DNASE1: variants seen among roughly 807,000 people sequenced by gnomAD.
DNASE1 encodes the protein deoxyribonuclease-1.
Under a neutral mutation model 33.9 loss-of-function variants are expected in DNASE1, and 40 were observed. The ratio of observed to expected loss-of-function variants is 1.18; its 90% CI spans 0.92 to 1.54. DNASE1 has a LOEUF of 1.54. Ranked by LOEUF, DNASE1 falls within the 40% of genes most tolerant of loss-of-function variation. The pLI, the probability that DNASE1 is intolerant of heterozygous loss-of-function variation, is 0.00. For missense variants in DNASE1, 518 were observed against 372.6 expected, an observed-to-expected ratio of 1.39 and a Z score of -3.21; for synonymous variants, 216 against 160.0, an observed-to-expected ratio of 1.35 and a Z score of -2.64.
chr16:3,655,567 C>T, intron 2 of DNASE1, 47 bp downstream of exon 2: 3 of 1,612,910 alleles, frequency 1.9e-6, no homozygotes, highest in Non-Finnish European at 2.5e-6. Flanking sequence ...GCTCTGGAGT[C>T]TAGGGCTGGT....
At chr16:3,655,192 G>T (rs2042516938) in intron 1 of DNASE1, 148 bp downstream of exon 1, 1 of 783,114 alleles carries the variant, frequency 1.3e-6, no homozygotes, top group South Asian at 1.8e-5. Flanking sequence ...GTGACTCGGG[G>T]TCCTCTACGT....
downstream of DNASE1, chr16:3,658,257 A>T: frequency 6.4e-7 from 1 of 1,551,816 alleles, no homozygotes; most frequent in Non-Finnish European, 8.9e-7. Flanking sequence ...GAAACCCATT[A>T]TGAGGGGCAT....
At chr16:3,652,972 C>A (rs1008503455), upstream of DNASE1, 8 of 152,252 alleles carry the variant, frequency 5.3e-5, no homozygotes, top group African/African-American at 1.9e-4. Flanking sequence ...GCCAGCACAG[C>A]CCCTTCCAAG....
In DNASE1 at chr16:3,656,621, G is replaced by T; in HGVS notation, c.321-17G>T. The T allele has an allele frequency of 6.3e-7, 1 of 1,599,594 alleles. No homozygotes were observed. Among genetic ancestry groups the T allele is most frequent in the Non-Finnish European group, 8.5e-7 (1 of 1,172,592 alleles). ...TTCCAGCCTGGGGTCACCTCCTCCTGCCCGGCCTTCCCGCAGGCCTGACCA... is the reference window on the plus strand; with the variant it reads ...TTCCAGCCTGGGGTCACCTCCTCCTTCCCGGCCTTCCCGCAGGCCTGACCA... On this transcript the variant is annotated splice_polypyrimidine_tract_variant and intron_variant, in intron 4 of 8. Transcript: ENST00000246949.
chr16:3,614,094 A>G (rs1196255800), intron 1 of DNASE1, among the ~76,000 whole-genome samples: 1 of 151,898 alleles, frequency 6.6e-6, no homozygotes, highest in Non-Finnish European at 1.5e-5. Context: ...TTGTATTTTT[A>G]GTAGAGACGG....
At chr16:3,613,253 C>CT (rs1159684425) in intron 1 of DNASE1, among the ~76,000 whole-genome samples, 1 of 152,100 alleles carries the variant, frequency 6.6e-6, no homozygotes, top group Non-Finnish European at 1.5e-5. Flanking sequence ...TTCTGCTGGG[C>CT]TTTTATTAAG....
At chr16:3,654,352 C>A (rs17136470), upstream of DNASE1, 20 of 398,702 alleles carry the variant, frequency 5.0e-5, no homozygotes, top group East Asian at 6.8e-4. Context: ...CTGCTTGTTC[C>A]GAGCTCCCCA....
At chr16:3,624,141 G>T (rs2041422243) in intron 1 of DNASE1, among the ~76,000 whole-genome samples, 1 of 151,984 alleles carries the variant, frequency 6.6e-6, no homozygotes, top group African/African-American at 2.4e-5. Context: ...GCTGGGCGCG[G>T]TAGTGCACGC....
At chr16:3,651,013 G>T (rs1171958046), upstream of DNASE1, 1 of 152,222 alleles carries the variant, frequency 6.6e-6, no homozygotes, top group Non-Finnish European at 1.5e-5. Context: ...ATGGTGCTCT[G>T]TGAGTTCATG....
chr16:3,648,387 C>G (rs949430076), intron 1 of DNASE1, among the ~76,000 whole-genome samples: 1 of 152,152 alleles, frequency 6.6e-6, no homozygotes, highest in Non-Finnish European at 1.5e-5. Context: ...ATGGTGAAAT[C>G]CCGTCTCTAC....
chr16:3,640,029 GT>G (rs777731116), upstream of DNASE1, among the ~76,000 whole-genome samples: 10 of 152,296 alleles, frequency 6.6e-5, no homozygotes, highest in South Asian at 2.1e-3. Flanking sequence ...TTTTCAGTGG[GT>G]CCAGTGCTGC....
chr16:3,657,314 C>G lies in DNASE1; in HGVS notation c.677C>G (p.Ala226Gly), dbSNP rs750842674. The stretch of plus-strand genomic sequence containing the variant: ...ATCCCCGACAGCGCTGACACCACAG[C>G]TACACCCACGCACTGTGCCTATGAC... ...WLIPDSADTT[A>G]TPTHCAYDRI... Residue 226 changes from alanine to glycine, a missense_variant, in exon 7 of 9, where the codon GCT becomes GGT. By Grantham distance (60) the Ala-to-Gly change is moderately conservative. Transcript: ENST00000246949. 2.5e-6 allele frequency: 4 copies of G among 1,613,728 alleles called. No individual in the cohort carries two copies. Among genetic ancestry groups the G allele is most frequent in the African/African-American group, 1.3e-5 (1 of 75,060 alleles).
chr16:3,653,838 A>AAAAAT, upstream of DNASE1: 1 of 139,038 alleles, frequency 7.2e-6, no homozygotes, highest in African/African-American at 2.6e-5. Context: ...AAAAAAAAAA[A>AAAAAT]AAACTGAGCA....
At chr16:3,648,717 T>G (rs901649214) in intron 1 of DNASE1, among the ~76,000 whole-genome samples, 2 of 152,256 alleles carry the variant, frequency 1.3e-5, no homozygotes, top group African/African-American at 4.8e-5. Context: ...GAGTTTACTA[T>G]TAATACTTCC....
intron 1 of DNASE1, among the ~76,000 whole-genome samples, chr16:3,620,605 A>G (rs2041272718): frequency 6.6e-6 from 1 of 152,022 alleles, no homozygotes. Context: ...ATTATATTCC[A>G]TATTTAATCA....
At chr16:3,623,827 C>G (rs2041410078) in intron 1 of DNASE1, among the ~76,000 whole-genome samples, 1 of 152,112 alleles carries the variant, frequency 6.6e-6, no homozygotes, top group Admixed American at 6.5e-5. Context: ...CAGTAATCAT[C>G]AGAGAAATGC....
At chr16:3,639,466 G>A (rs2076366647), upstream of DNASE1, among the ~76,000 whole-genome samples, 2 of 152,082 alleles carry the variant, frequency 1.3e-5, no homozygotes, top group Admixed American at 6.5e-5. Context: ...TAGCGTCCTC[G>A]CACGTGGTTC....
At chr16:3,653,833 A>AAAAAAAAAC (rs1567205886), upstream of DNASE1, 1 of 147,996 alleles carries the variant, frequency 6.8e-6, no homozygotes, top group African/African-American at 2.5e-5. Flanking sequence ...AAAAAAAAAA[A>AAAAAAAAAC]AAAAAAAACT....
chr16:3,660,937 C>A (rs1350326341), downstream of DNASE1: 1 of 141,834 alleles, frequency 7.1e-6, no homozygotes, highest in African/African-American at 2.5e-5. Flanking sequence ...AATTAAAATA[C>A]TACTTAGGCT....
Sources: gnomAD v4.1 joint callset for allele counts (sites outside exome capture counted in the v4.1 genomes callset) on GRCh38, gnomAD v4.1.1 for gene constraint, MANE v1.5 for transcripts, NCBI Gene and HGNC (gene_info 2026-07-23, HGNC 2026-07-21) for gene names.